Variants in PARD3B observed in about 807,000 individuals in gnomAD.
PARD3B encodes partitioning defective 3 homolog B.
A neutral mutation model predicts 130.2 loss-of-function variants in PARD3B; 103 were observed. The ratio of observed to expected loss-of-function variants is 0.79; its 90% CI spans 0.67 to 0.93. PARD3B has a LOEUF of 0.93. Ranked by LOEUF, PARD3B falls within the 40% of genes least tolerant of loss-of-function variation. The pLI is 0.00. For synonymous variants in PARD3B, 583 were observed against 553.2 expected (o/e 1.05, Z -0.76); for missense variants, 1,609 against 1,499.2 (o/e 1.07, Z -1.21).
At position 205,229,640 on chromosome 2, in the gene PARD3B, T is replaced by A. The variant is rs1287148678; in HGVS notation, c.2141-16138T>A. Among the ~76,000 whole-genome samples the A allele has an allele frequency of 1.3e-5, 2 of 152,106 alleles. No individual in the cohort carries two copies. Among genetic ancestry groups the A allele is most frequent in the East Asian group, 3.9e-4 (2 of 5,150 alleles). ...GGCAGCACAGCACTGGGTCTCTCCC[T>A]AGGCTCACAGTAACCACTGCCTGGC... On this transcript the variant is annotated intron_variant, in intron 15 of 22. Coordinates refer to ENST00000406610, the MANE Select transcript of PARD3B (RefSeq NM_001302769.2). The surrounding 1 kb of genome is among the most constrained non-coding windows in gnomAD (Gnocchi z 5.2).
chr2:205,320,880 G>A (rs1025075431), intron 18 of PARD3B, among the ~76,000 whole-genome samples: 6 of 152,124 alleles, frequency 3.9e-5, no homozygotes, highest in Non-Finnish European at 8.8e-5. Context: ...ACATACACTG[G>A]GGGAAAGCTG....
chr2:204,640,331 G>A (rs116422010), intron 1 of PARD3B, among the ~76,000 whole-genome samples: 2,628 of 152,250 alleles, frequency 0.017, 69 homozygotes, highest in African/African-American at 0.06. Context: ...CCCTTCAGGA[G>A]GCATCAGCAG....
chr2:204,910,940 C>A (rs115269055), intron 2 of PARD3B, among the ~76,000 whole-genome samples: 1,633 of 152,244 alleles, frequency 0.011, 35 homozygotes, highest in African/African-American at 0.037. Flanking sequence ...CCGCGCCCGG[C>A]CAAGATTAAT....
chr2:205,178,786 A>G (rs1008963877), intron 13 of PARD3B, among the ~76,000 whole-genome samples: 1 of 152,202 alleles, frequency 6.6e-6, no homozygotes, highest in African/African-American at 2.4e-5. Flanking sequence ...ACATAATGAC[A>G]TTTTGGTCAA....
Position 205,446,659 on chromosome 2 carries a change from G to A in PARD3B, c.3044+5987G>A, listed in dbSNP as rs1361086710. ...AGAAAAAAAAAATTGCCTTATAAAA[G>A]ATTCATCTATAAATGACAGTGGTTA... On this transcript the variant is annotated intron_variant, in intron 20 of 22. Transcript: ENST00000406610. The surrounding 1 kb of genome is among the most constrained non-coding windows in gnomAD (Gnocchi z 4.4). Among the ~76,000 whole-genome samples, 1 of 151,906 alleles carries A rather than the reference G, an allele frequency of 6.6e-6. No homozygotes were observed. Among genetic ancestry groups the A allele is most frequent in the Non-Finnish European group, 1.5e-5 (1 of 68,006 alleles).
At chr2:205,210,590 T>G (rs1011578678) in intron 15 of PARD3B, among the ~76,000 whole-genome samples, 1 of 152,116 alleles carries the variant, frequency 6.6e-6, no homozygotes, top group Non-Finnish European at 1.5e-5. Flanking sequence ...TCATTATAAT[T>G]TCTATACGTG....
At chr2:205,094,597 A>C (rs911711107) in intron 4 of PARD3B, among the ~76,000 whole-genome samples, 2 of 152,078 alleles carry the variant, frequency 1.3e-5, no homozygotes, top group Admixed American at 1.3e-4. Context: ...TGTTCATGAC[A>C]CAGCTATGGA....
intron 2 of PARD3B, among the ~76,000 whole-genome samples, chr2:204,730,397 A>G (rs749803011): frequency 7.9e-5 from 12 of 152,128 alleles, no homozygotes; most frequent in Non-Finnish European, 1.5e-4. Context: ...TAGCATAATT[A>G]TACTGCTCTG....
At chr2:204,552,679 G>T (rs1197293198) in intron 1 of PARD3B, among the ~76,000 whole-genome samples, 1 of 152,174 alleles carries the variant, frequency 6.6e-6, no homozygotes, top group Non-Finnish European at 1.5e-5. Context: ...TTTGTGTAAG[G>T]TTGAGAGGTG....
At chr2:204,795,787 T>C (rs186502532) in intron 2 of PARD3B, among the ~76,000 whole-genome samples, 1 of 152,368 alleles carries the variant, frequency 6.6e-6, no homozygotes, top group African/African-American at 2.4e-5. Flanking sequence ...TTACATTTGA[T>C]ATTTTCTTCT....
At chr2:204,914,266 T>G (rs2047359584) in intron 2 of PARD3B, among the ~76,000 whole-genome samples, 1 of 152,204 alleles carries the variant, frequency 6.6e-6, no homozygotes, top group Non-Finnish European at 1.5e-5. Flanking sequence ...AATTCCATTT[T>G]TCTCACCCTT....
chr2:205,012,290 G>A (rs1695777453), intron 3 of PARD3B, among the ~76,000 whole-genome samples: 1 of 152,050 alleles, frequency 6.6e-6, no homozygotes, highest in Non-Finnish European at 1.5e-5. Context: ...GGTAGTTTTA[G>A]GATGGTTGAA....
At chr2:205,295,934 T>C (rs2041773787) in intron 16 of PARD3B, among the ~76,000 whole-genome samples, 2 of 152,212 alleles carry the variant, frequency 1.3e-5, no homozygotes, top group African/African-American at 4.8e-5. Context: ...TTAATTGTTT[T>C]AAAAAAATTT....
At chr2:205,250,340 C>T (rs2039787848) in intron 16 of PARD3B, among the ~76,000 whole-genome samples, 1 of 151,940 alleles carries the variant, frequency 6.6e-6, no homozygotes, top group African/African-American at 2.4e-5. Flanking sequence ...CTGAAGAAGG[C>T]CGATGAGTTC....
chr2:205,579,107 A>G (rs753848212), intron 22 of PARD3B, among the ~76,000 whole-genome samples: 4 of 152,228 alleles, frequency 2.6e-5, no homozygotes, highest in Non-Finnish European at 5.9e-5. Flanking sequence ...GTAAGAAAAT[A>G]TATTTCTCTT....
In PARD3B at chr2:205,429,049, C is replaced by T. The variant is rs117964018; in HGVS notation, c.2742-11321C>T. Among the ~76,000 whole-genome samples, 30 of 152,164 alleles carry T rather than the reference C, an allele frequency of 2.0e-4. 1 individual carries two copies. The East Asian group carries it at 4.2e-3, about 22-fold the overall frequency. On this transcript the variant is annotated intron_variant, in intron 19 of 22. Transcript: ENST00000406610. ...AAGGCTAAAGGTTAAGCCAGAAGAACGAAAGAGCTCATACAATGCAGTCTC... is the reference window on the plus strand; with the variant it reads ...AAGGCTAAAGGTTAAGCCAGAAGAATGAAAGAGCTCATACAATGCAGTCTC...
intron 4 of PARD3B, among the ~76,000 whole-genome samples, chr2:205,069,482 A>G (rs942658261): frequency 3.3e-5 from 5 of 152,154 alleles, no homozygotes; most frequent in Admixed American, 2.6e-4. Context: ...CATTGAAGTG[A>G]CAGGTTTTCC....
chr2:205,377,307 A>G (rs2045099262), intron 18 of PARD3B, among the ~76,000 whole-genome samples: 1 of 152,172 alleles, frequency 6.6e-6, no homozygotes, highest in Non-Finnish European at 1.5e-5. Flanking sequence ...TCATGGTAAA[A>G]TACAGATTCT....
At chr2:204,946,831 A>T (rs1030848657) in intron 2 of PARD3B, among the ~76,000 whole-genome samples, 2 of 152,238 alleles carry the variant, frequency 1.3e-5, no homozygotes, top group African/African-American at 4.8e-5. Flanking sequence ...TGTAAAGTCC[A>T]GTGCAGAAGC....
Sources: allele counts gnomAD v4.1 joint callset (sites outside exome capture counted in the v4.1 genomes callset), GRCh38; gene constraint gnomAD v4.1.1; non-coding constraint Gnocchi (gnomAD v3.1); transcripts MANE v1.5; gene names NCBI Gene and HGNC (gene_info 2026-07-23, HGNC 2026-07-21).